The following CYP2C19 variants were observed in gnomAD, a reference collection of about 807,000 sequenced individuals.
The protein encoded by CYP2C19 is cytochrome P450 family 2 subfamily C member 19.
CYP2C19 carries 59 observed loss-of-function variants against 40.9 expected under a neutral mutation model. The ratio of observed to expected loss-of-function variants is 1.44; its 90% CI spans 1.17 to 1.79. The LOEUF (loss-of-function observed/expected upper bound fraction) is 1.79. CYP2C19 is among the 40% of genes most tolerant of loss of function. CYP2C19 has a pLI of 0.00. For missense variants in CYP2C19, 754 were observed against 596.9 expected (o/e 1.26, Z -2.74); for synonymous variants, 253 against 208.7 (o/e 1.21, Z -1.83).
chr10:94,804,254 G>A (rs1848803903), intron 5 of CYP2C19, among the ~76,000 whole-genome samples: 1 of 152,146 alleles, frequency 6.6e-6, no homozygotes, highest in Admixed American at 6.5e-5. Context: ...CATCACCCAG[G>A]AGAACTGCTG....
chr10:94,849,207 G>T (rs1004119431), intron 7 of CYP2C19, among the ~76,000 whole-genome samples: 2 of 152,134 alleles, frequency 1.3e-5, no homozygotes, highest in Non-Finnish European at 2.9e-5. Context: ...TGATGAAATA[G>T]AGCAGCAGGA....
intron 5 of CYP2C19, among the ~76,000 whole-genome samples, chr10:94,817,305 T>C (rs1367808174): frequency 6.6e-6 from 1 of 151,344 alleles, no homozygotes; most frequent in Admixed American, 6.6e-5. Flanking sequence ...ATTGTGGTTT[T>C]GATTTGTATT....
intron 7 of CYP2C19, among the ~76,000 whole-genome samples, chr10:94,845,008 C>T (rs1212366124): frequency 1.3e-5 from 2 of 152,158 alleles, no homozygotes; most frequent in Admixed American, 6.6e-5. Context: ...GCCCTGAGAA[C>T]CCAGAGCGCA....
At chr10:94,826,669 G>T (rs1250706028) in intron 6 of CYP2C19, among the ~76,000 whole-genome samples, 2 of 151,940 alleles carry the variant, frequency 1.3e-5, no homozygotes, top group African/African-American at 4.8e-5. Flanking sequence ...CTGCCTAATT[G>T]CCCTGGCCAG....
intron 5 of CYP2C19, among the ~76,000 whole-genome samples, chr10:94,783,970 T>G (rs1040596487): frequency 2.6e-5 from 4 of 152,196 alleles, no homozygotes; most frequent in South Asian, 2.1e-4. Context: ...GTATTTAATG[T>G]ATTCACAATG....
chr10:94,796,225 A>T (rs1373065477), intron 5 of CYP2C19, among the ~76,000 whole-genome samples: 1 of 152,142 alleles, frequency 6.6e-6, no homozygotes, highest in Admixed American at 6.5e-5. Flanking sequence ...ATGGCTAGCC[A>T]GTTTTCCCAG....
chr10:94,775,264 G>A lies in CYP2C19; in HGVS notation c.331+44G>A, dbSNP rs370652887. The A allele has an allele frequency of 3.7e-6, 6 of 1,613,482 alleles. No homozygotes were observed. In the East Asian group the frequency reaches 1.1e-4, roughly 30 times the overall value. On this transcript the variant is annotated intron_variant, in intron 2 of 8. Transcript: ENST00000371321. The stretch of plus-strand genomic sequence containing the variant: ...GTTTCAGCATCTGTCTTGGGGATGG[G>A]GAGGATGGAAAACAGACTAGCAGAG...
chr10:94,777,403 A>G (rs1848422616), intron 3 of CYP2C19, among the ~76,000 whole-genome samples: 1 of 152,196 alleles, frequency 6.6e-6, no homozygotes, highest in Admixed American at 6.5e-5. Flanking sequence ...TTCAAACTAT[A>G]CTACAAGGCT....
intron 3 of CYP2C19, among the ~76,000 whole-genome samples, chr10:94,777,907 C>A (rs2134238177): frequency 6.6e-6 from 1 of 151,904 alleles, no homozygotes; most frequent in East Asian, 1.9e-4. Flanking sequence ...TGACTAAGGT[C>A]TAATATCCAG....
intron 5 of CYP2C19, among the ~76,000 whole-genome samples, chr10:94,790,831 T>C (rs1317958086): frequency 6.6e-6 from 1 of 152,110 alleles, no homozygotes; most frequent in Non-Finnish European, 1.5e-5. Context: ...TAAAATTCTC[T>C]TTTTTTGTGT....
In CYP2C19 at chr10:94,851,998, G is replaced by A. The variant is rs143085400; in HGVS notation, c.1292-735G>A. Among the ~76,000 whole-genome samples the A allele has an allele frequency of 2.9e-3, 444 of 152,310 alleles. 4 individuals carry two copies. Among genetic ancestry groups the A allele is most frequent in the Middle Eastern group, 0.01 (3 of 294 alleles). The stretch of plus-strand genomic sequence containing the variant: ...AAAAAGGAGATAAAATTTGACCTAT[G>A]TCCTGACTGTGGTAATAGAAAAGTT... On this transcript the variant is annotated intron_variant, in intron 8 of 8. Coordinates refer to ENST00000371321, the MANE Select transcript of CYP2C19 (RefSeq NM_000769.4).
chr10:94,771,924 C>T (rs1158861724), intron 1 of CYP2C19, among the ~76,000 whole-genome samples: 3 of 152,110 alleles, frequency 2.0e-5, no homozygotes, highest in South Asian at 2.1e-4. Context: ...CTTACCAATG[C>T]ATTCTTGAAA....
intron 3 of CYP2C19, among the ~76,000 whole-genome samples, chr10:94,777,889 T>C (rs1214423471): frequency 3.9e-5 from 6 of 152,266 alleles, no homozygotes; most frequent in African/African-American, 1.4e-4. Context: ...TTTTGCAATC[T>C]GTCCATTTGA....
chr10:94,846,193 G>A (rs2134289250), intron 7 of CYP2C19, among the ~76,000 whole-genome samples: 1 of 152,192 alleles, frequency 6.6e-6, no homozygotes. Context: ...CTGTAATCAA[G>A]AACAGTTCAT....
chr10:94,823,107 G>C (rs986218137), intron 6 of CYP2C19, among the ~76,000 whole-genome samples: 1 of 152,084 alleles, frequency 6.6e-6, no homozygotes, highest in Non-Finnish European at 1.5e-5. Flanking sequence ...TAACCAAAAA[G>C]TCAGAAGAGG....
At position 94,793,080 on chromosome 10, in the gene CYP2C19, C is replaced by T. The variant is rs143171290; in HGVS notation, c.819+11083C>T. Among the ~76,000 whole-genome samples, 473 of 152,020 alleles carry T rather than the reference C, an allele frequency of 3.1e-3. 3 individuals carry two copies. Among genetic ancestry groups the T allele is most frequent in the African/African-American group, 0.011 (450 of 41,500 alleles). ...TTTTACTCTTTTTTCTCTAAACTTC[C>T]CTTCTAGCTTCATTTCATTCATTTG... On this transcript the variant is annotated intron_variant, in intron 5 of 8. Coordinates refer to ENST00000371321, the MANE Select transcript of CYP2C19 (RefSeq NM_000769.4).
At chr10:94,826,565 T>C (rs967089163) in intron 6 of CYP2C19, among the ~76,000 whole-genome samples, 2 of 152,130 alleles carry the variant, frequency 1.3e-5, no homozygotes, top group African/African-American at 2.4e-5. Context: ...TGGGCTGAGA[T>C]GATGGGGTTT....
rs115081506 is a variant in CYP2C19 at position 94,803,721 on chromosome 10, G to C, written c.820-16775G>C. Among the ~76,000 whole-genome samples, 475 of 152,302 alleles carry C rather than the reference G, an allele frequency of 3.1e-3. 3 individuals carry two copies. Among genetic ancestry groups the C allele is most frequent in the African/African-American group, 0.011 (452 of 41,572 alleles). ...CTCTGCAGGGGTAAGGGAGGGGAGA[G>C]TTGGTGGTGGCCTAAACTTCTAATC... On this transcript the variant is annotated intron_variant, in intron 5 of 8. Transcript: ENST00000371321.
At chr10:94,845,815 A>C (rs1360531217) in intron 7 of CYP2C19, among the ~76,000 whole-genome samples, 1 of 152,108 alleles carries the variant, frequency 6.6e-6, no homozygotes, top group Non-Finnish European at 1.5e-5. Flanking sequence ...GACTATTTAT[A>C]TGAAAACTTA....
Sources: allele counts gnomAD v4.1 joint callset (sites outside exome capture counted in the v4.1 genomes callset), GRCh38; gene constraint gnomAD v4.1.1; transcripts MANE v1.5; gene names NCBI Gene and HGNC (gene_info 2026-07-23, HGNC 2026-07-21).